Variants in RNF169 observed in about 807,000 individuals in gnomAD.
RNF169 encodes E3 ubiquitin-protein ligase RNF169.
Under a neutral mutation model 53.9 loss-of-function variants are expected in RNF169, and 24 were observed. The observed-to-expected ratio is 0.45, with a 90% confidence interval of 0.32 to 0.63. The LOEUF is 0.63. RNF169 is among the 20% of genes least tolerant of loss of function. The pLI, the probability that RNF169 is intolerant of heterozygous loss-of-function variation, is 0.04. For synonymous variants in RNF169, 396 were observed against 363.5 expected, an observed-to-expected ratio of 1.09 and a Z score of -1.02; for missense variants, 883 against 906.2, an observed-to-expected ratio of 0.97 and a Z score of 0.33.
chr11:74,755,984 T>A (rs779403987), intron 1 of RNF169, among the ~76,000 whole-genome samples: 9 of 152,098 alleles, frequency 5.9e-5, no homozygotes, highest in Non-Finnish European at 1.3e-4. Context: ...CAATATATAT[T>A]GGTTGGAAGA....
chr11:74,771,473 G>A (rs1423196833), intron 1 of RNF169, among the ~76,000 whole-genome samples: 1 of 152,200 alleles, frequency 6.6e-6, no homozygotes, highest in Non-Finnish European at 1.5e-5. Context: ...GGAGGCTGAG[G>A]TGGGATGATC....
chr11:74,838,468 T>C lies in RNF169; in HGVS notation c.*1738T>C, dbSNP rs2036290194. On this transcript the variant is annotated 3_prime_UTR_variant, in exon 6 of 6. Transcript: ENST00000299563. ...GCTGCTGTAAAGCAGAGCCATTTTC[T>C]TGTGCAGCTCATAGTTCCCAAACAG... 1 of 152,246 alleles carries C rather than the reference T, an allele frequency of 6.6e-6. No individual in the cohort carries two copies. The highest frequency in any genetic ancestry group is 6.5e-5 in the Admixed American group (1 of 15,286). The allele number at this position is 152,246 out of a possible 1,614,324, so 9.4% of individuals were successfully genotyped here.
At chr11:74,823,738 G>GAAAAAAAAAAAAAAAAAAAAAGGA (rs35164191) in intron 4 of RNF169, among the ~76,000 whole-genome samples, 1 of 105,774 alleles carries the variant, frequency 9.5e-6, no homozygotes, top group Non-Finnish European at 2.0e-5. Flanking sequence ...CCCTGTCTCA[G>GAAAAAAAAAAAAAAAAAAAAAGGA]AAAAAAAAAA....
intron 1 of RNF169, among the ~76,000 whole-genome samples, chr11:74,772,384 G>A (rs2035272369): frequency 6.6e-6 from 1 of 151,492 alleles, no homozygotes; most frequent in African/African-American, 2.4e-5. Flanking sequence ...TTATTATAAG[G>A]CTTAAATAAG....
intron 4 of RNF169, among the ~76,000 whole-genome samples, chr11:74,822,592 C>T (rs1401099189): frequency 1.3e-5 from 2 of 152,208 alleles, no homozygotes; most frequent in African/African-American, 4.8e-5. Flanking sequence ...GCAAAGAGCA[C>T]AGGCCTTAGA....
intron 1 of RNF169, among the ~76,000 whole-genome samples, chr11:74,769,899 G>A (rs1056326456): frequency 2.6e-5 from 4 of 152,014 alleles, no homozygotes; most frequent in African/African-American, 9.7e-5. Flanking sequence ...AGGCTGAAGC[G>A]ATCCTCCCAC....
rs2080797571 is a variant in RNF169 at position 74,838,984 on chromosome 11, ATTTTTG to A, written c.*2256_*2261del. 1 of 152,174 alleles carries A rather than the reference ATTTTTG, an allele frequency of 6.6e-6. No homozygotes were observed. The highest frequency in any genetic ancestry group is 2.4e-5 in the African/African-American group (1 of 41,440). The allele number at this position is 152,174 out of a possible 1,614,324, so 9.4% of individuals were successfully genotyped here. ...GAAAAACACTTTTCAGTTGGAATTG[ATTTTTG>A]TCTTTGGTAAAAAGAAATATTTTTA... is the stretch of plus-strand genomic sequence containing the variant. On this transcript the variant is annotated 3_prime_UTR_variant, in exon 6 of 6. Transcript: ENST00000299563.
intron 1 of RNF169, among the ~76,000 whole-genome samples, chr11:74,784,574 C>T (rs945164895): frequency 1.3e-5 from 2 of 152,166 alleles, no homozygotes; most frequent in Admixed American, 1.3e-4. Context: ...GTTGTGACAA[C>T]GTATGAAATG....
At chr11:74,795,357 T>C (rs1382635744) in intron 2 of RNF169, among the ~76,000 whole-genome samples, 3 of 151,778 alleles carry the variant, frequency 2.0e-5, no homozygotes, top group African/African-American at 7.3e-5. Context: ...GTAGCTGAGA[T>C]TACAGGCACA....
chr11:74,758,898 G>T lies in RNF169; in HGVS notation c.502+9516G>T, dbSNP rs552696441. Among the ~76,000 whole-genome samples the T allele has an allele frequency of 4.7e-3, 696 of 148,492 alleles. 10 individuals carry two copies. The highest frequency in any genetic ancestry group is 0.017 in the African/African-American group (667 of 40,300). On this transcript the variant is annotated intron_variant, in intron 1 of 5. Transcript: ENST00000299563. ...GCATTGAATCTGTAAATTACCTTGGGCAGTATGGCCATTTTCACGATATTG... is the reference window on the plus strand; with the variant it reads ...GCATTGAATCTGTAAATTACCTTGGTCAGTATGGCCATTTTCACGATATTG...
chr11:74,805,263 A>G (rs561741302), intron 2 of RNF169, among the ~76,000 whole-genome samples: 37 of 152,374 alleles, frequency 2.4e-4, no homozygotes, highest in African/African-American at 8.7e-4. Flanking sequence ...AGTATCATGC[A>G]GAGTGAATGA....
intron 1 of RNF169, among the ~76,000 whole-genome samples, chr11:74,755,386 C>T (rs2034965808): frequency 1.3e-5 from 2 of 152,182 alleles, no homozygotes; most frequent in Admixed American, 6.5e-5. Context: ...AAAGAGTTGC[C>T]TACCTTGAAT....
chr11:74,816,137 A>T (rs936622636), intron 3 of RNF169, among the ~76,000 whole-genome samples: 2 of 152,198 alleles, frequency 1.3e-5, no homozygotes, highest in African/African-American at 4.8e-5. Context: ...GTCAGCCTAG[A>T]GAAAAACAAA....
At chr11:74,756,173 T>A (rs1234980209) in intron 1 of RNF169, among the ~76,000 whole-genome samples, 1 of 152,186 alleles carries the variant, frequency 6.6e-6, no homozygotes, top group African/African-American at 2.4e-5. Context: ...GCACTAGAGC[T>A]GCAAATAGAG....
chr11:74,751,116 C>T (rs1032167593), intron 1 of RNF169, among the ~76,000 whole-genome samples: 3 of 151,894 alleles, frequency 2.0e-5, no homozygotes, highest in Non-Finnish European at 2.9e-5. Context: ...AGTGATCCGC[C>T]CACCTCTGCC....
chr11:74,815,099 A>G, intron 3 of RNF169, among the ~76,000 whole-genome samples: 1 of 152,022 alleles, frequency 6.6e-6, no homozygotes, highest in South Asian at 2.1e-4. Flanking sequence ...TAATTTATGC[A>G]TGCTTTGTAC....
At chr11:74,821,657 C>CAAAAAA (rs1230736435) in intron 4 of RNF169, among the ~76,000 whole-genome samples, 10 of 26,066 alleles carry the variant, frequency 3.8e-4, no homozygotes, top group Non-Finnish European at 4.8e-4. Flanking sequence ...GACTCCGTCT[C>CAAAAAA]AAAAAAAAAA....
chr11:74,793,552 A>G (rs2035608188), intron 2 of RNF169, among the ~76,000 whole-genome samples: 1 of 152,040 alleles, frequency 6.6e-6, no homozygotes, highest in Non-Finnish European at 1.5e-5. Context: ...CCTGTGGGAG[A>G]TTTGGGAACA....
chr11:74,826,679 G>A (rs2135141287), intron 4 of RNF169, among the ~76,000 whole-genome samples: 1 of 152,356 alleles, frequency 6.6e-6, no homozygotes, highest in African/African-American at 2.4e-5. Context: ...TAGGCATTGG[G>A]TAAATACACC....
Sources: gnomAD v4.1 joint callset for allele counts (sites outside exome capture counted in the v4.1 genomes callset) on GRCh38, gnomAD v4.1.1 for gene constraint, MANE v1.5 for transcripts, NCBI Gene and HGNC (gene_info 2026-07-23, HGNC 2026-07-21) for gene names.